LARS2: variants seen among roughly 807,000 people sequenced by gnomAD.
LARS2 encodes leucine--tRNA ligase, mitochondrial.
In LARS2, 81 loss-of-function variants were observed where a neutral mutation model predicts 116.6. The ratio of observed to expected loss-of-function variants is 0.69; its 90% CI spans 0.58 to 0.84. The LOEUF (loss-of-function observed/expected upper bound fraction) is 0.84, where lower values mean the gene tolerates loss of function less well. Ranked by LOEUF, LARS2 falls within the 40% of genes least tolerant of loss-of-function variation. The pLI is 0.00. For synonymous variants in LARS2, 396 were observed against 407.2 expected, an observed-to-expected ratio of 0.97 and a Z score of 0.33; for missense variants, 968 against 1,114.5, an observed-to-expected ratio of 0.87 and a Z score of 1.87.
rs1026804798 is a variant in LARS2, at chr3:45,529,060, G to A, written c.2404+4952G>A. On this transcript the variant is annotated intron_variant, in intron 20 of 21. Coordinates refer to ENST00000645846, the MANE Select transcript of LARS2 (RefSeq NM_015340.4). Reference sequence around the variant, plus strand: ...ATTTTTGTATTTTTGGTAGAGACAGGGTTTCACCGTGTTGCCAGTCTGGTC... The same window carrying A: ...ATTTTTGTATTTTTGGTAGAGACAGAGTTTCACCGTGTTGCCAGTCTGGTC... Among the ~76,000 whole-genome samples, 3 of 151,838 alleles carry A rather than the reference G, an allele frequency of 2.0e-5. No individual in the cohort carries two copies. The East Asian group carries it at 5.8e-4, about 29-fold the overall frequency.
At chr3:45,541,590 T>A in intron 20 of LARS2, 1 of 512,124 alleles carries the variant, frequency 2.0e-6, no homozygotes, top group Non-Finnish European at 3.5e-6. Context: ...CACTTTAGAA[T>A]GGCTTATCCA....
At chr3:45,481,888 T>A (rs1357141599) in intron 10 of LARS2, among the ~76,000 whole-genome samples, 1 of 152,202 alleles carries the variant, frequency 6.6e-6, no homozygotes, top group Admixed American at 6.5e-5. Context: ...TTGCTTTTGC[T>A]TTTGGTGTTA....
intron 6 of LARS2, among the ~76,000 whole-genome samples, chr3:45,434,265 A>AT (rs981504395): frequency 2.0e-5 from 3 of 151,382 alleles, no homozygotes; most frequent in African/African-American, 4.9e-5. Flanking sequence ...AGCTCTATTC[A>AT]TTTTTTTTCC....
intron 20 of LARS2, among the ~76,000 whole-genome samples, chr3:45,534,115 T>G (rs1280089903): frequency 1.1e-4 from 16 of 152,220 alleles, no homozygotes; most frequent in Admixed American, 1.0e-3. Context: ...CTATAGCAAC[T>G]CATTTTTTTT....
chr3:45,398,153 T>G (rs1435458610), intron 3 of LARS2, among the ~76,000 whole-genome samples: 1 of 152,232 alleles, frequency 6.6e-6, no homozygotes, highest in Non-Finnish European at 1.5e-5. Flanking sequence ...TTAACACTCC[T>G]TGGTAATTTC....
chr3:45,403,831 T>C (rs1293625438), intron 4 of LARS2, among the ~76,000 whole-genome samples: 1 of 152,154 alleles, frequency 6.6e-6, no homozygotes, highest in Non-Finnish European at 1.5e-5. Flanking sequence ...ACAACCTAGA[T>C]TTGAACCTAC....
At chr3:45,475,130 C>T (rs1255856553) in intron 9 of LARS2, among the ~76,000 whole-genome samples, 1 of 152,138 alleles carries the variant, frequency 6.6e-6, no homozygotes, top group African/African-American at 2.4e-5. Context: ...GTTCATTTAG[C>T]GTCAAACCTG....
At chr3:45,539,711 A>T (rs1700762491) in intron 20 of LARS2, among the ~76,000 whole-genome samples, 1 of 152,164 alleles carries the variant, frequency 6.6e-6, no homozygotes, top group Admixed American at 6.5e-5. Context: ...CAATGTTATT[A>T]CTATTTTATT....
rs140976079 is a variant in LARS2, at chr3:45,538,902, G to A, written c.2405-2927G>A. On this transcript the variant is annotated intron_variant, in intron 20 of 21. Coordinates refer to ENST00000645846, the MANE Select transcript of LARS2 (RefSeq NM_015340.4). ...AGTCAGCTGTGTCACCGAGGACACC[G>A]CTGAGTTAGGCTACCATTTTTTTTC... Among the ~76,000 whole-genome samples, 13 of 152,234 alleles carry A rather than the reference G, an allele frequency of 8.5e-5. No individual in the cohort carries two copies. The East Asian group carries it at 2.1e-3, about 25-fold the overall frequency.
At chr3:45,495,626 G>A (rs1262197053) in intron 13 of LARS2, 4 of 152,196 alleles carry the variant, frequency 2.6e-5, no homozygotes, top group African/African-American at 9.7e-5. Context: ...AGGCATTGGC[G>A]AAGGCAATCT....
intron 19 of LARS2, among the ~76,000 whole-genome samples, chr3:45,521,510 A>C (rs1700455535): frequency 6.6e-6 from 1 of 152,200 alleles, no homozygotes; most frequent in African/African-American, 2.4e-5. Flanking sequence ...GAAATTTCAA[A>C]TTTGACTACA....
intron 15 of LARS2, among the ~76,000 whole-genome samples, chr3:45,510,312 G>T (rs1354718423): frequency 6.6e-6 from 1 of 152,008 alleles, no homozygotes; most frequent in Non-Finnish European, 1.5e-5. Flanking sequence ...TGCTTGCAGG[G>T]GTAAGGTGGG....
At chr3:45,435,671 C>T (rs1698785663) in intron 6 of LARS2, among the ~76,000 whole-genome samples, 3 of 150,638 alleles carry the variant, frequency 2.0e-5, no homozygotes, top group Admixed American at 2.0e-4. Context: ...TTTCTTTTCT[C>T]TGTACTCATT....
rs531357777 is a variant in LARS2, at chr3:45,454,547, A to G, written c.607-4196A>G. The stretch of plus-strand genomic sequence containing the variant: ...GCTCAGTGTGTTTGCAGGTGTTTTA[A>G]TGATTTCAGTGTTAATTTAAGGTTC... On this transcript the variant is annotated intron_variant, in intron 7 of 21. Coordinates refer to ENST00000645846, the MANE Select transcript of LARS2 (RefSeq NM_015340.4). Among the ~76,000 whole-genome samples, 22 of 152,304 alleles carry G rather than the reference A, an allele frequency of 1.4e-4. 1 individual carries two copies. The highest frequency in any genetic ancestry group is 7.8e-4 in the Admixed American group (12 of 15,298).
In LARS2 at chr3:45,500,588, TTA is replaced by T. The variant is rs753985463; in HGVS notation, c.1760+12_1760+13del. 1 of 1,539,414 alleles carries T rather than the reference TTA, an allele frequency of 6.5e-7. No homozygotes were observed. Among genetic ancestry groups the T allele is most frequent in the Admixed American group, 2.4e-5 (1 of 42,080 alleles). On this transcript the variant is annotated intron_variant, in intron 15 of 21. Coordinates refer to ENST00000645846, the MANE Select transcript of LARS2 (RefSeq NM_015340.4). Reference sequence around the variant, plus strand: ...AAAATGGTTAAACATAGGTAAGCACTTATACTGCTTTGCAAAATAATTGAGTT... The same window carrying T: ...AAAATGGTTAAACATAGGTAAGCACTTACTGCTTTGCAAAATAATTGAGTT...
At chr3:45,535,841 G>A (rs1377878356) in intron 20 of LARS2, among the ~76,000 whole-genome samples, 1 of 152,060 alleles carries the variant, frequency 6.6e-6, no homozygotes, top group Non-Finnish European at 1.5e-5. Flanking sequence ...TTGCATTCAT[G>A]TCAACTTCCT....
At chr3:45,416,642 C>T (rs530408973) in intron 4 of LARS2, among the ~76,000 whole-genome samples, 5 of 152,226 alleles carry the variant, frequency 3.3e-5, no homozygotes, top group African/African-American at 4.8e-5. Context: ...CCACCAGTCA[C>T]GTGTGTCTGC....
intron 15 of LARS2, 121 bp downstream of exon 15, chr3:45,500,700 T>G: frequency 1.4e-6 from 1 of 708,550 alleles, no homozygotes; most frequent in Non-Finnish European, 2.2e-6. Context: ...CTAGTATGCT[T>G]TAGAGGTTGT....
At chr3:45,464,064 G>T (rs1699381296) in intron 8 of LARS2, among the ~76,000 whole-genome samples, 1 of 152,192 alleles carries the variant, frequency 6.6e-6, no homozygotes, top group Non-Finnish European at 1.5e-5. Context: ...GTGGGCACTG[G>T]AGGTAATAAG....
Sources: gnomAD v4.1 joint callset for allele counts (sites outside exome capture counted in the v4.1 genomes callset) on GRCh38, gnomAD v4.1.1 for gene constraint, MANE v1.5 for transcripts, NCBI Gene and HGNC (gene_info 2026-07-23, HGNC 2026-07-21) for gene names.